CDH13: variants seen among roughly 807,000 people sequenced by gnomAD.
The protein encoded by CDH13 is cadherin-13.
CDH13 carries 24 observed loss-of-function variants against 63.8 expected under a neutral mutation model. The observed-to-expected ratio is 0.38, with a 90% CI of 0.27 to 0.53. The LOEUF is 0.53. CDH13 is among the 20% of genes least tolerant of loss of function. The probability of loss-of-function intolerance (pLI) is 0.85; values close to 1 mark genes in which losing one functional copy is unlikely to be tolerated. For missense variants in CDH13, 1,049 were observed against 903.1 expected (o/e 1.16, Z -2.07); for synonymous variants, 503 against 355.3 (o/e 1.42, Z -4.67).
chr16:83,313,601 T>C (rs2090044527), intron 5 of CDH13, among the ~76,000 whole-genome samples: 1 of 135,562 alleles, frequency 7.4e-6, no homozygotes, highest in African/African-American at 2.8e-5. Context: ...AATTTTGACA[T>C]GGGCAGTGCC....
intron 5 of CDH13, among the ~76,000 whole-genome samples, chr16:83,301,240 C>T (rs1445344255): frequency 1.3e-5 from 2 of 151,794 alleles, no homozygotes; most frequent in Non-Finnish European, 2.9e-5. Context: ...ACTGTGTTAG[C>T]CAAGATGGTC....
At chr16:83,620,874 A>C (rs1432282672) in intron 8 of CDH13, among the ~76,000 whole-genome samples, 1 of 152,130 alleles carries the variant, frequency 6.6e-6, no homozygotes, top group Non-Finnish European at 1.5e-5. Context: ...TTTCTGTGAA[A>C]AGCAAGACTG....
At chr16:82,695,570 C>A (rs2030183706) in intron 1 of CDH13, among the ~76,000 whole-genome samples, 1 of 152,180 alleles carries the variant, frequency 6.6e-6, no homozygotes, top group South Asian at 2.1e-4. Context: ...GAGTTAAGAA[C>A]CATCTCATGG....
At chr16:83,093,682 T>C (rs1215678973) in intron 3 of CDH13, among the ~76,000 whole-genome samples, 5 of 152,190 alleles carry the variant, frequency 3.3e-5, no homozygotes, top group Admixed American at 6.5e-5. Flanking sequence ...TCAAAGCACA[T>C]AGTCTCTTCC....
intron 7 of CDH13, among the ~76,000 whole-genome samples, chr16:83,570,319 A>T (rs1202942716): frequency 2.0e-5 from 3 of 151,978 alleles, no homozygotes; most frequent in Non-Finnish European, 4.4e-5. Context: ...CTGTCTGTTC[A>T]CCCCACCTTC....
intron 6 of CDH13, among the ~76,000 whole-genome samples, chr16:83,350,573 A>G (rs570474016): frequency 6.6e-6 from 1 of 151,986 alleles, no homozygotes; most frequent in African/African-American, 2.4e-5. Context: ...TTTTCCATCC[A>G]GTATGCTTAG....
chr16:83,111,575 A>G (rs937877380), intron 3 of CDH13, among the ~76,000 whole-genome samples: 1 of 152,208 alleles, frequency 6.6e-6, no homozygotes, highest in Non-Finnish European at 1.5e-5. Flanking sequence ...ATGCTAGGAC[A>G]ATCAGAGTCT....
chr16:83,459,492 C>T (rs1598070062), intron 6 of CDH13, among the ~76,000 whole-genome samples: 1 of 152,156 alleles, frequency 6.6e-6, no homozygotes. Context: ...TTGCCTTTGG[C>T]TTATAAACGG....
chr16:82,798,081 G>T (rs1401483064), intron 1 of CDH13, among the ~76,000 whole-genome samples: 1 of 152,128 alleles, frequency 6.6e-6, no homozygotes, highest in African/African-American at 2.4e-5. Flanking sequence ...CTAAACTAAA[G>T]GTAAAATCAA....
At chr16:83,213,373 C>T (rs931448214) in intron 4 of CDH13, among the ~76,000 whole-genome samples, 5 of 152,082 alleles carry the variant, frequency 3.3e-5, no homozygotes, top group East Asian at 1.9e-4. Flanking sequence ...GGCAGAGAAA[C>T]GGGAGGGTGG....
At chr16:82,648,587 C>T (rs1247308000) in intron 1 of CDH13, among the ~76,000 whole-genome samples, 1 of 152,024 alleles carries the variant, frequency 6.6e-6, no homozygotes, top group South Asian at 2.1e-4. Flanking sequence ...GCAAAACAAG[C>T]CTCTAAATAA....
At chr16:82,934,491 C>A (rs1345298165) in intron 2 of CDH13, among the ~76,000 whole-genome samples, 3 of 152,196 alleles carry the variant, frequency 2.0e-5, no homozygotes, top group Admixed American at 2.0e-4. Flanking sequence ...ACATGCCCTG[C>A]AATTTCCCCA....
At chr16:83,388,536 C>T (rs1230671531) in intron 6 of CDH13, among the ~76,000 whole-genome samples, 1 of 152,152 alleles carries the variant, frequency 6.6e-6, no homozygotes, top group African/African-American at 2.4e-5. Context: ...TGGGCAGGAG[C>T]TGAGGAGCAG....
At position 83,365,299 on chromosome 16, in the gene CDH13, T is replaced by C. The variant is rs181939169; in HGVS notation, c.781+20293T>C. Among the ~76,000 whole-genome samples the C allele has an allele frequency of 2.9e-3, 442 of 152,304 alleles. 2 individuals carry two copies. The highest frequency in any genetic ancestry group is 5.4e-3 in the Non-Finnish European group (368 of 68,018). On this transcript the variant is annotated intron_variant, in intron 6 of 13. Transcript: ENST00000567109. ...CTGATGTTGTAGTTCAAGACAGGCCTCTGACTCAGCTTTTTGGTTCTGTTC... is the reference window on the plus strand; with the variant it reads ...CTGATGTTGTAGTTCAAGACAGGCCCCTGACTCAGCTTTTTGGTTCTGTTC...
intron 1 of CDH13, among the ~76,000 whole-genome samples, chr16:82,777,294 A>G (rs2035543922): frequency 6.6e-6 from 1 of 152,248 alleles, no homozygotes; most frequent in East Asian, 1.9e-4. Context: ...GCTGCTTTAT[A>G]GAAGATGAAC....
At chr16:82,713,399 A>C (rs2032107027) in intron 1 of CDH13, among the ~76,000 whole-genome samples, 1 of 152,084 alleles carries the variant, frequency 6.6e-6, no homozygotes, top group Admixed American at 6.6e-5. Flanking sequence ...TGATGAGATC[A>C]AGAGAGCTTC....
chr16:83,790,439 A>G (rs775373885), intron 13 of CDH13, among the ~76,000 whole-genome samples: 4 of 152,008 alleles, frequency 2.6e-5, no homozygotes, highest in Admixed American at 6.6e-5. Flanking sequence ...TTGCTGTGTC[A>G]CCCAGGCTGG....
At chr16:83,188,468 T>A (rs998082857) in intron 4 of CDH13, among the ~76,000 whole-genome samples, 2 of 152,158 alleles carry the variant, frequency 1.3e-5, no homozygotes, top group Non-Finnish European at 2.9e-5. Context: ...TTTTGAGTCC[T>A]CTTGGTGGTT....
chr16:82,674,939 A>T (rs532660330), intron 1 of CDH13, among the ~76,000 whole-genome samples: 32 of 152,372 alleles, frequency 2.1e-4, no homozygotes, highest in Non-Finnish European at 4.7e-4. Flanking sequence ...ATGGATATCA[A>T]AAAGCTATAA....
Sources: gnomAD v4.1 joint callset for allele counts (sites outside exome capture counted in the v4.1 genomes callset) on GRCh38, gnomAD v4.1.1 for gene constraint, MANE v1.5 for transcripts, NCBI Gene and HGNC (gene_info 2026-07-23, HGNC 2026-07-21) for gene names.